GAS2: variants seen among roughly 807,000 people sequenced by gnomAD.
The protein encoded by GAS2 is growth arrest specific 2.
GAS2 carries 20 observed loss-of-function variants against 37.5 expected under a neutral mutation model. The observed-to-expected ratio is 0.53, with a 90% CI of 0.37 to 0.77. The LOEUF (loss-of-function observed/expected upper bound fraction) is 0.77, where lower values mean the gene tolerates loss of function less well. GAS2 is among the 30% of genes least tolerant of loss of function. The pLI is 0.00. For synonymous variants in GAS2, 144 were observed against 132.2 expected (o/e 1.09, Z -0.61); for missense variants, 336 against 373.4 (o/e 0.90, Z 0.82).
intron 7 of GAS2, among the ~76,000 whole-genome samples, chr11:22,773,596 T>G (rs1404177746): frequency 6.6e-6 from 1 of 152,012 alleles, no homozygotes; most frequent in Non-Finnish European, 1.5e-5. Context: ...GGTTTCACCG[T>G]GTCACACCTC....
At chr11:22,769,544 AT>A (rs1854869336) in intron 7 of GAS2, among the ~76,000 whole-genome samples, 1 of 152,248 alleles carries the variant, frequency 6.6e-6, no homozygotes, top group East Asian at 1.9e-4. Flanking sequence ...AAGATGAAAT[AT>A]TCTAAAGATA....
chr11:22,697,396 A>C (rs337468), intron 3 of GAS2, among the ~76,000 whole-genome samples: 34,688 of 151,782 alleles, frequency 0.23, 4,543 homozygotes, highest in East Asian at 0.42. Flanking sequence ...CAGCTTTGTT[A>C]TTTTGGCTTA....
chr11:22,690,624 G>A (rs543112463), intron 3 of GAS2, among the ~76,000 whole-genome samples: 1 of 152,004 alleles, frequency 6.6e-6, no homozygotes, highest in African/African-American at 2.4e-5. Flanking sequence ...AATATTTCTG[G>A]AGTTGAGGAT....
chr11:22,789,339 C>T (rs11026791), intron 7 of GAS2, among the ~76,000 whole-genome samples: 1 of 132,538 alleles, frequency 7.5e-6, no homozygotes, highest in Non-Finnish European at 1.6e-5. Flanking sequence ...CACAAACACA[C>T]ACACACACAT....
intron 3 of GAS2, among the ~76,000 whole-genome samples, chr11:22,707,149 G>C (rs1182632343): frequency 6.6e-6 from 1 of 152,176 alleles, no homozygotes; most frequent in African/African-American, 2.4e-5. Flanking sequence ...AATGGGTAAG[G>C]GAGATTGGTC....
upstream of GAS2, among the ~76,000 whole-genome samples, chr11:22,664,190 T>C (rs1426224813): frequency 1.3e-5 from 2 of 152,164 alleles, no homozygotes; most frequent in East Asian, 3.8e-4. Context: ...TTCCGTGTTA[T>C]TTAATTTTTT....
At chr11:22,652,366 G>C (rs147866709) in intron 1 of GAS2, among the ~76,000 whole-genome samples, 2,572 of 152,306 alleles carry the variant, frequency 0.017, 74 homozygotes, top group African/African-American at 0.058. Context: ...GATTACTGCT[G>C]TCTTTTTGTT....
At chr11:22,754,564 A>G (rs1212530374) in intron 6 of GAS2, among the ~76,000 whole-genome samples, 6 of 151,866 alleles carry the variant, frequency 4.0e-5, no homozygotes, top group Non-Finnish European at 4.4e-5. Context: ...ATAATTGTAC[A>G]TGCGATAAAT....
intron 1 of GAS2, among the ~76,000 whole-genome samples, chr11:22,636,963 A>G (rs1040455185): frequency 2.1e-5 from 3 of 141,446 alleles, no homozygotes; most frequent in African/African-American, 7.7e-5. Context: ...GTTACTATTA[A>G]TGATATTTAT....
At chr11:22,800,345 C>T (rs1048079846) in intron 7 of GAS2, among the ~76,000 whole-genome samples, 6 of 152,068 alleles carry the variant, frequency 3.9e-5, no homozygotes, top group African/African-American at 1.4e-4. Context: ...TTCCCAGGAT[C>T]TTCGCCACAT....
chr11:22,682,606 G>A (rs955212152), intron 2 of GAS2, among the ~76,000 whole-genome samples: 8 of 151,846 alleles, frequency 5.3e-5, no homozygotes, highest in Admixed American at 2.0e-4. Flanking sequence ...GTGGCCTGGC[G>A]TGGTGCCTTA....
chr11:22,698,176 A>G (rs1421405544), intron 3 of GAS2, among the ~76,000 whole-genome samples: 1 of 152,224 alleles, frequency 6.6e-6, no homozygotes, highest in African/African-American at 2.4e-5. Flanking sequence ...ATAAAAAATG[A>G]TAAAGGGGAT....
chr11:22,737,901 G>T (rs1852842967), intron 5 of GAS2, 133 bp downstream of exon 5: 1 of 783,394 alleles, frequency 1.3e-6, no homozygotes, highest in African/African-American at 1.7e-5. Flanking sequence ...ATGATAATAT[G>T]AACTTCTTGA....
intron 3 of GAS2, among the ~76,000 whole-genome samples, chr11:22,725,170 T>G (rs1247085355): frequency 6.6e-6 from 1 of 151,998 alleles, no homozygotes; most frequent in Non-Finnish European, 1.5e-5. Flanking sequence ...TTATTTCTAT[T>G]AAAGAAAAAA....
At chr11:22,800,935 A>G (rs1235885572) in intron 7 of GAS2, among the ~76,000 whole-genome samples, 3 of 146,660 alleles carry the variant, frequency 2.0e-5, no homozygotes, top group East Asian at 1.9e-4. Flanking sequence ...AAACAAGTAC[A>G]TTACCAATAA....
rs189783517 is a variant in GAS2 at position 22,656,792 on chromosome 11, G to T, written c.-20-18058G>T. Among the ~76,000 whole-genome samples, 1,058 of 152,270 alleles carry T rather than the reference G, an allele frequency of 6.9e-3. 11 individuals carry two copies. The highest frequency in any genetic ancestry group is 0.024 in the African/African-American group (999 of 41,536). On this transcript the variant is annotated intron_variant, in intron 1 of 5. Coordinates refer to the GAS2 transcript ENST00000528582. ...AGTGATAGTGTTTGTCATGATGTGT[G>T]TGTGTGTGTGTGTCGAGGAGGCGTA...
At chr11:22,653,560 T>C (rs1396557375) in intron 1 of GAS2, among the ~76,000 whole-genome samples, 2 of 152,226 alleles carry the variant, frequency 1.3e-5, no homozygotes, top group Non-Finnish European at 2.9e-5. Context: ...CAGGATCCAT[T>C]TGGGAAATAA....
chr11:22,680,400 A>G (rs895934603), intron 2 of GAS2, among the ~76,000 whole-genome samples: 1 of 152,100 alleles, frequency 6.6e-6, no homozygotes, highest in East Asian at 1.9e-4. Flanking sequence ...CATATAATGA[A>G]CTGTTTCCTA....
chr11:22,690,759 T>C (rs114939856), intron 3 of GAS2, among the ~76,000 whole-genome samples: 3,185 of 152,242 alleles, frequency 0.021, 115 homozygotes, highest in African/African-American at 0.072. Context: ...CCGATCGGAA[T>C]TGGCATCTCT....
Sources: allele counts gnomAD v4.1 joint callset (sites outside exome capture counted in the v4.1 genomes callset), GRCh38; gene constraint gnomAD v4.1.1; transcripts MANE v1.5; gene names NCBI Gene and HGNC (gene_info 2026-07-23, HGNC 2026-07-21).